Variants in PAX2 observed in about 807,000 individuals in gnomAD.
PAX2 encodes the protein paired box protein Pax-2.
A neutral mutation model predicts 41.7 loss-of-function variants in PAX2; 9 were observed. The observed-to-expected ratio is 0.22, with a 90% CI of 0.13 to 0.38. The LOEUF (loss-of-function observed/expected upper bound fraction) is 0.38. PAX2 is among the 10% of genes least tolerant of loss of function. The probability of loss-of-function intolerance (pLI) is 1.00; values close to 1 mark genes in which losing one functional copy is unlikely to be tolerated. For missense variants in PAX2, 418 were observed against 531.6 expected (o/e 0.79, Z 2.10); for synonymous variants, 221 against 212.7 (o/e 1.04, Z -0.34).
At chr10:100,779,685 G>T in intron 4 of PAX2, 102 bp downstream of exon 4, 1 of 882,398 alleles carries the variant, frequency 1.1e-6, no homozygotes, top group Non-Finnish European at 1.9e-6. Flanking sequence ...GAGGTCCAGA[G>T]CCCAACCTAT....
At chr10:100,779,619 C>T in intron 4 of PAX2, 36 bp downstream of exon 4, 2 of 1,485,960 alleles carry the variant, frequency 1.3e-6, no homozygotes, top group Non-Finnish European at 9.2e-7. Context: ...AAACCAGATC[C>T]CACCTAGAGA....
chr10:100,824,630 C>G lies in PAX2; in HGVS notation c.920-18C>G. The G allele has an allele frequency of 1.3e-6, 2 of 1,543,608 alleles. No individual in the cohort carries two copies. Among genetic ancestry groups the G allele is most frequent in the Non-Finnish European group, 9.0e-7 (1 of 1,115,552 alleles). On this transcript the variant is annotated intron_variant, in intron 7 of 9. Coordinates refer to ENST00000355243, the MANE Select transcript of PAX2 (RefSeq NM_000278.5). The surrounding 1 kb of genome is among the most constrained non-coding windows in gnomAD (Gnocchi z 6.6). ...CCTTTCTTCCAGGCCTCACCCCTTC[C>G]CCTTTGTGTTTTTCCAGGTCGTGAC...
chr10:100,781,765 T>C (rs2133899007), intron 5 of PAX2, among the ~76,000 whole-genome samples: 1 of 152,354 alleles, frequency 6.6e-6, no homozygotes, highest in East Asian at 1.9e-4. Context: ...AGTGATGTCA[T>C]GTGCAGCCTA....
At chr10:100,744,631 G>T (rs1358643140), upstream of PAX2, among the ~76,000 whole-genome samples, 1 of 152,180 alleles carries the variant, frequency 6.6e-6, no homozygotes, top group East Asian at 1.9e-4. Flanking sequence ...CTCCCCAGCC[G>T]GGGAGAGCCA....
intron 4 of PAX2, among the ~76,000 whole-genome samples, chr10:100,780,278 G>A (rs1846563249): frequency 6.6e-6 from 1 of 152,102 alleles, no homozygotes; most frequent in Non-Finnish European, 1.5e-5. Context: ...AGGCCTACTA[G>A]AACACCTGCT....
chr10:100,736,239 C>T (rs1220833067), intron 1 of PAX2, among the ~76,000 whole-genome samples: 2 of 152,176 alleles, frequency 1.3e-5, no homozygotes, highest in Non-Finnish European at 2.9e-5. Flanking sequence ...TGTGTCCCCC[C>T]AACCCCAAAT....
In PAX2 at chr10:100,745,866, G is replaced by C. The variant is rs1845143543; in HGVS notation, c.-395G>C. The C allele has an allele frequency of 3.9e-6, 4 of 1,038,864 alleles. No homozygotes were observed. In the East Asian group the frequency reaches 1.9e-4, roughly 49 times the overall value. 64.4% of individuals were successfully genotyped at this position (1,038,864 alleles called of 1,614,324 possible). On this transcript the variant is annotated 5_prime_UTR_variant, in exon 1 of 10. Transcript: ENST00000355243. ...ACCGCCCCCGCCCCGCGCGCTCTCCGACCACCGCCTCTCGGATGACCAGGT... is the reference window on the plus strand; with the variant it reads ...ACCGCCCCCGCCCCGCGCGCTCTCCCACCACCGCCTCTCGGATGACCAGGT...
intron 8 of PAX2, among the ~76,000 whole-genome samples, chr10:100,825,648 A>G (rs78038670): frequency 0.021 from 3,166 of 152,018 alleles, 124 homozygotes; most frequent in African/African-American, 0.074. Context: ...CTGAAGTTCA[A>G]CTCTCATTGG....
intron 5 of PAX2, among the ~76,000 whole-genome samples, chr10:100,789,152 G>A (rs1490449040): frequency 6.6e-6 from 1 of 152,132 alleles, no homozygotes; most frequent in Non-Finnish European, 1.5e-5. Flanking sequence ...TGTTGCCCAA[G>A]CTGGAGAGCA....
intron 7 of PAX2, among the ~76,000 whole-genome samples, chr10:100,819,259 A>AAAAG (rs1564743846): frequency 6.9e-6 from 1 of 144,722 alleles, no homozygotes; most frequent in Non-Finnish European, 1.5e-5. Context: ...AAAAAAAAAA[A>AAAAG]GGGGGGGGAG....
intron 5 of PAX2, among the ~76,000 whole-genome samples, chr10:100,782,236 G>A (rs1564724256): frequency 6.6e-6 from 1 of 152,080 alleles, no homozygotes; most frequent in Non-Finnish European, 1.5e-5. Context: ...GGATTTTAAA[G>A]ACATCTCCCA....
At chr10:100,754,700 G>A (rs902285902) in intron 3 of PAX2, among the ~76,000 whole-genome samples, 7 of 152,198 alleles carry the variant, frequency 4.6e-5, no homozygotes, top group African/African-American at 1.7e-4. Context: ...CAAATAAGCT[G>A]GGAGCTATTA....
At chr10:100,771,488 G>A (rs1846208450) in intron 3 of PAX2, among the ~76,000 whole-genome samples, 1 of 152,224 alleles carries the variant, frequency 6.6e-6, no homozygotes, top group Non-Finnish European at 1.5e-5. Context: ...CAGGAGAGAT[G>A]CTGTTTCCTT....
chr10:100,750,921 G>T lies in PAX2; in HGVS notation c.410+30G>T. On this transcript the variant is annotated intron_variant, in intron 3 of 9. Transcript: ENST00000355243. This position sits in a 1 kb window ranked among gnomAD's most constrained non-coding sequence, Gnocchi z 4.1. ...GCAAGCCACCCGGGTTTTCAGGGCT[G>T]GACTCCAGCTCCTGGCTCCTGCCTG... 6.4e-7 allele frequency: 1 copy of T among 1,559,098 alleles called. No homozygotes were observed. The highest frequency in any genetic ancestry group is 1.4e-5 in the African/African-American group (1 of 74,022).
At chr10:100,775,274 C>T (rs749505350) in intron 3 of PAX2, among the ~76,000 whole-genome samples, 48 of 152,168 alleles carry the variant, frequency 3.2e-4, no homozygotes, top group African/African-American at 1.1e-3. Flanking sequence ...GGTATCAGGC[C>T]GTCATCATCA....
intron 5 of PAX2, among the ~76,000 whole-genome samples, chr10:100,797,558 A>G (rs1452927499): frequency 6.6e-6 from 1 of 152,264 alleles, no homozygotes; most frequent in African/African-American, 2.4e-5. Context: ...CACTTAATAA[A>G]TGTTAGTTGC....
rs183518335 is a variant in PAX2, at chr10:100,749,466, C to T, written c.44-280C>T. The T allele has an allele frequency of 4.7e-3, 6,025 of 1,278,250 alleles. 26 individuals carry two copies. The highest frequency in any genetic ancestry group is 5.1e-3 in the Non-Finnish European group (5,185 of 1,015,916). The allele number at this position is 1,278,250 out of a possible 1,614,324, so 79.2% of individuals were successfully genotyped here. Reference sequence around the variant, plus strand: ...CATTTTCTCCCCTCTCCCCTCTTTTCTGTCATCTGGTTTCTCTCCAGTCCC... The same window carrying T: ...CATTTTCTCCCCTCTCCCCTCTTTTTTGTCATCTGGTTTCTCTCCAGTCCC... On this transcript the variant is annotated intron_variant, in intron 1 of 9. Coordinates refer to ENST00000355243, the MANE Select transcript of PAX2 (RefSeq NM_000278.5).
intron 3 of PAX2, among the ~76,000 whole-genome samples, chr10:100,764,085 G>A (rs1469846514): frequency 6.6e-6 from 1 of 151,264 alleles, no homozygotes; most frequent in Admixed American, 6.6e-5. Flanking sequence ...TTCTTGTTAT[G>A]CGTCTATTTC....
chr10:100,760,319 G>A lies in PAX2; in HGVS notation c.410+9428G>A, dbSNP rs537660790. ...GTTTGGTCCCAGAATGAAAGTCCCT[G>A]TTATCACTTTGATGGCCTGCCTGTT... On this transcript the variant is annotated intron_variant, in intron 3 of 9. Coordinates refer to ENST00000355243, the MANE Select transcript of PAX2 (RefSeq NM_000278.5). Among the ~76,000 whole-genome samples the A allele has an allele frequency of 6.6e-5, 10 of 152,304 alleles. No individual in the cohort carries two copies. In the South Asian group the frequency reaches 2.1e-3, roughly 32 times the overall value.
Sources: allele counts gnomAD v4.1 joint callset (sites outside exome capture counted in the v4.1 genomes callset), GRCh38; gene constraint gnomAD v4.1.1; non-coding constraint Gnocchi (gnomAD v3.1); transcripts MANE v1.5; gene names NCBI Gene and HGNC (gene_info 2026-07-23, HGNC 2026-07-21).